Variants in NDUFV2 observed in about 807,000 individuals in gnomAD.
The protein encoded by NDUFV2 is NADH:ubiquinone oxidoreductase core subunit V2.
A neutral mutation model predicts 31.6 loss-of-function variants in NDUFV2; 18 were observed. That is an observed-to-expected ratio of 0.57 (90% confidence interval 0.39 to 0.84). NDUFV2 has a LOEUF of 0.84. Among genes scored for constraint, NDUFV2 ranks in the 40% least tolerant of loss-of-function variants. NDUFV2 has a pLI of 0.00. For synonymous variants in NDUFV2, 83 were observed against 99.8 expected (o/e 0.83, Z 1.01); for missense variants, 314 against 303.6 (o/e 1.03, Z -0.26).
At chr18:9,112,094 C>T (rs986917644) in intron 1 of NDUFV2, among the ~76,000 whole-genome samples, 3 of 149,220 alleles carry the variant, frequency 2.0e-5, no homozygotes, top group Admixed American at 2.0e-4. Flanking sequence ...TCTCAGCTCA[C>T]TGCAACCTCC....
At chr18:9,104,836 A>G in intron 1 of NDUFV2, 1 of 1,226,320 alleles carries the variant, frequency 8.2e-7, no homozygotes, top group Non-Finnish European at 1.1e-6. Flanking sequence ...TGTAGAAAAA[A>G]CAATACTGAG....
At chr18:9,106,549 C>T (rs970823300) in intron 1 of NDUFV2, among the ~76,000 whole-genome samples, 4 of 152,078 alleles carry the variant, frequency 2.6e-5, no homozygotes, top group African/African-American at 9.7e-5. Flanking sequence ...ATTAGAGATT[C>T]TTAAACTTGA....
At chr18:9,126,092 A>T (rs2077988230) in intron 6 of NDUFV2, among the ~76,000 whole-genome samples, 1 of 152,082 alleles carries the variant, frequency 6.6e-6, no homozygotes, top group Non-Finnish European at 1.5e-5. Context: ...TTATTTCTTG[A>T]TTTAAATAGG....
intron 7 of NDUFV2, among the ~76,000 whole-genome samples, chr18:9,131,508 A>G (rs1001807454): frequency 6.6e-6 from 1 of 152,236 alleles, no homozygotes; most frequent in Non-Finnish European, 1.5e-5. Context: ...TTAATTCTTC[A>G]TATTTAGAGC....
At chr18:9,103,003 A>G (rs2077822494) in intron 1 of NDUFV2, 3 of 521,302 alleles carry the variant, frequency 5.8e-6, no homozygotes, top group South Asian at 5.6e-5. Context: ...TGGGAAGTGT[A>G]CTCCTAGTTT....
intron 7 of NDUFV2, among the ~76,000 whole-genome samples, chr18:9,129,063 G>A (rs1467615371): frequency 1.3e-5 from 2 of 152,020 alleles, no homozygotes; most frequent in East Asian, 3.8e-4. Flanking sequence ...TCAGTCTCCC[G>A]AGCAGCTGGG....
chr18:9,117,903 GGTAA>G lies in NDUFV2; in HGVS notation c.120+5_120+8del, dbSNP rs752670374. 5.7e-6 allele frequency: 9 copies of G among 1,583,346 alleles called. No individual in the cohort carries two copies. The highest frequency in any genetic ancestry group is 2.2e-5 in the South Asian group (2 of 90,332). ...ATGGAGCTGGAGGAGCTTTATTTGT[GGTAA>G]GTAATTACTTAGATTTCTTTGGAAA... On this transcript the variant is annotated splice_donor_variant and splice_donor_region_variant and intron_variant, in intron 2 of 7. Coordinates refer to ENST00000318388, the MANE Select transcript of NDUFV2 (RefSeq NM_021074.5). LOFTEE classifies it high-confidence loss of function.
chr18:9,132,652 A>T (rs563354943), intron 7 of NDUFV2, among the ~76,000 whole-genome samples: 1 of 152,178 alleles, frequency 6.6e-6, no homozygotes, highest in African/African-American at 2.4e-5. Flanking sequence ...AGGCGGACAG[A>T]TTGTTTGAGC....
intron 1 of NDUFV2, among the ~76,000 whole-genome samples, chr18:9,113,380 T>C (rs1047988057): frequency 6.6e-6 from 1 of 152,202 alleles, no homozygotes; most frequent in African/African-American, 2.4e-5. Flanking sequence ...TTATTGACTT[T>C]CTTAAGAACT....
chr18:9,117,038 C>CTT (rs11348180), intron 1 of NDUFV2, among the ~76,000 whole-genome samples: 11 of 143,694 alleles, frequency 7.7e-5, no homozygotes, highest in Admixed American at 1.4e-4. Flanking sequence ...TCTGAAACTA[C>CTT]TTTTTTTTTT....
At chr18:9,104,036 A>G (rs1389072410) in intron 1 of NDUFV2, 2 of 990,444 alleles carry the variant, frequency 2.0e-6, no homozygotes, top group Non-Finnish European at 2.9e-6. Flanking sequence ...GAGACAATGT[A>G]AAAGTACAGT....
chr18:9,106,316 T>A (rs140392475), intron 1 of NDUFV2, among the ~76,000 whole-genome samples: 90 of 152,360 alleles, frequency 5.9e-4, no homozygotes, highest in African/African-American at 2.0e-3. Flanking sequence ...ATTGGTTTTT[T>A]ATGAATGTAG....
At chr18:9,110,566 T>C (rs769489818) in intron 1 of NDUFV2, among the ~76,000 whole-genome samples, 1 of 152,140 alleles carries the variant, frequency 6.6e-6, no homozygotes, top group Non-Finnish European at 1.5e-5. Flanking sequence ...TTGGGTGCAG[T>C]GCATGATCAT....
chr18:9,107,844 G>A (rs2077849419), intron 1 of NDUFV2, among the ~76,000 whole-genome samples: 1 of 152,152 alleles, frequency 6.6e-6, no homozygotes, highest in Non-Finnish European at 1.5e-5. Flanking sequence ...GGTAGGAGAT[G>A]GAGGTTTAGG....
intron 5 of NDUFV2, 121 bp downstream of exon 5, chr18:9,122,802 A>G: frequency 2.1e-6 from 2 of 937,704 alleles, no homozygotes; most frequent in East Asian, 5.3e-5. Flanking sequence ...TTACCTAGTA[A>G]TATTTTGTGT....
At chr18:9,122,787 T>C in intron 5 of NDUFV2, 106 bp downstream of exon 5, 2 of 1,042,308 alleles carry the variant, frequency 1.9e-6, no homozygotes, top group Non-Finnish European at 2.9e-6. Flanking sequence ...TTATTGGATC[T>C]GTACTTACCT....
At chr18:9,120,659 G>C (rs1382197110) in intron 4 of NDUFV2, among the ~76,000 whole-genome samples, 2 of 82,188 alleles carry the variant, frequency 2.4e-5, no homozygotes, top group African/African-American at 4.3e-5. Context: ...GCATTGTATA[G>C]TACTATAACA....
At chr18:9,132,519 A>G (rs1321457054) in intron 7 of NDUFV2, 1 of 152,318 alleles carries the variant, frequency 6.6e-6, no homozygotes. Flanking sequence ...AGGTGAAGAA[A>G]GTTTCTCCAA....
chr18:9,113,319 T>C (rs1037913104), intron 1 of NDUFV2, among the ~76,000 whole-genome samples: 1 of 152,232 alleles, frequency 6.6e-6, no homozygotes, highest in African/African-American at 2.4e-5. Flanking sequence ...TCTGTTGAGA[T>C]ATTTTGATAG....
Sources: gnomAD v4.1 joint callset for allele counts (sites outside exome capture counted in the v4.1 genomes callset) on GRCh38, gnomAD v4.1.1 for gene constraint, MANE v1.5 for transcripts, NCBI Gene and HGNC (gene_info 2026-07-23, HGNC 2026-07-21) for gene names.